ZBTB46: variants seen among roughly 807,000 people sequenced by gnomAD.
ZBTB46 encodes zinc finger and BTB domain-containing protein 46.
ZBTB46 carries 8 observed loss-of-function variants against 44.1 expected under a neutral mutation model. The observed-to-expected ratio is 0.18, with a 90% CI of 0.11 to 0.33. The LOEUF is 0.33. Ranked by LOEUF, ZBTB46 falls within the 10% of genes least tolerant of loss-of-function variation. The pLI is 1.00. For synonymous variants in ZBTB46, 409 were observed against 382.3 expected (o/e 1.07, Z -0.81); for missense variants, 651 against 847.7 (o/e 0.77, Z 2.88).
chr20:63,802,146 G>A (rs1301923320), intron 1 of ZBTB46, among the ~76,000 whole-genome samples: 2 of 152,140 alleles, frequency 1.3e-5, no homozygotes. Context: ...GCTGGGGCTG[G>A]ACACGATGGC....
intron 2 of ZBTB46, among the ~76,000 whole-genome samples, chr20:63,786,359 A>C (rs2092514271): frequency 6.6e-6 from 1 of 152,120 alleles, no homozygotes; most frequent in South Asian, 2.1e-4. Flanking sequence ...CCAACGGGGG[A>C]TCCAAAGGCA....
intron 3 of ZBTB46, among the ~76,000 whole-genome samples, chr20:63,771,604 G>A (rs545371991): frequency 9.7e-4 from 148 of 152,260 alleles, no homozygotes; most frequent in African/African-American, 2.9e-3. Flanking sequence ...GCAGCCCCCC[G>A]AGAGGCCAGG....
chr20:63,811,572 G>A (rs2092717876), intron 1 of ZBTB46, among the ~76,000 whole-genome samples: 1 of 151,466 alleles, frequency 6.6e-6, no homozygotes, highest in Non-Finnish European at 1.5e-5. Flanking sequence ...GGTGCAGAGA[G>A]GGGGTGGCCC....
At position 63,752,772 on chromosome 20, in the gene ZBTB46, G is replaced by A; in HGVS notation, c.1312C>T (p.Arg438Cys). ...TAGGGCCGCTCTCCCGTGTGCGAGC[G>A]CATGTGTCGCTTGAGGATGCACTGG... Reference protein sequence around the residue: ...MHQCILKRHMRSHTGERPYPC... With the variant: ...MHQCILKRHMCSHTGERPYPC... Residue 438 changes from arginine (R) to cysteine (C), a missense_variant, in exon 4 of 5, where the codon CGC becomes TGC. Physicochemically the swap from Arg to Cys is radical, Grantham distance 180 (BLOSUM62 -3). Transcript: ENST00000245663. This position sits in a 1 kb window ranked among gnomAD's most constrained non-coding sequence, Gnocchi z 5.6. 6.2e-7 allele frequency: 1 copy of A among 1,612,932 alleles called. No homozygotes were observed. The highest frequency in any genetic ancestry group is 8.5e-7 in the Non-Finnish European group (1 of 1,179,580).
In ZBTB46 at chr20:63,749,526, C is replaced by T. The variant is rs569533467; in HGVS notation, c.1399-2225G>A. 4.1e-4 allele frequency among the ~76,000 whole-genome samples: 63 copies of T among 152,174 alleles called. No individual in the cohort carries two copies. The South Asian group carries it at 5.8e-3, about 14-fold the overall frequency. On this transcript the variant is annotated intron_variant, in intron 4 of 4. Coordinates refer to ENST00000245663, the MANE Select transcript of ZBTB46 (RefSeq NM_001369741.1). ...TAATTTTTTGTATTTTTAGTAGAGA[C>T]GGGGTTTCACCGTGTTAGCCAGGAT... is the stretch of plus-strand genomic sequence containing the variant.
At chr20:63,802,186 G>A (rs993546710) in intron 1 of ZBTB46, among the ~76,000 whole-genome samples, 6 of 152,148 alleles carry the variant, frequency 3.9e-5, no homozygotes, top group African/African-American at 1.4e-4. Flanking sequence ...ACTTTGGGAG[G>A]CAGAGGCAGG....
At chr20:63,830,893 G>A (rs1483446116) in intron 1 of ZBTB46, among the ~76,000 whole-genome samples, 18 of 141,738 alleles carry the variant, frequency 1.3e-4, no homozygotes, top group African/African-American at 3.5e-4. Flanking sequence ...GGTCTCCGCC[G>A]CCGCCCCCGG....
chr20:63,771,743 C>G (rs750441023), intron 3 of ZBTB46, among the ~76,000 whole-genome samples: 1 of 152,212 alleles, frequency 6.6e-6, no homozygotes, highest in East Asian at 1.9e-4. Flanking sequence ...AGAAGGCCTA[C>G]GGCAGTGAGG....
chr20:63,783,466 C>A (rs1367598910), intron 2 of ZBTB46, among the ~76,000 whole-genome samples: 2 of 152,128 alleles, frequency 1.3e-5, no homozygotes, highest in South Asian at 2.1e-4. Context: ...TGTCCAGTGC[C>A]GAGTGCAGAA....
chr20:63,754,758 C>T (rs570253441), intron 3 of ZBTB46, among the ~76,000 whole-genome samples: 23 of 152,208 alleles, frequency 1.5e-4, no homozygotes, highest in Middle Eastern at 3.4e-3. Context: ...CGCCACCACA[C>T]CCAGCTAATT....
At chr20:63,826,795 G>C (rs1033168019) in intron 1 of ZBTB46, among the ~76,000 whole-genome samples, 2 of 152,232 alleles carry the variant, frequency 1.3e-5, no homozygotes, top group African/African-American at 4.8e-5. Flanking sequence ...CATTATGTGT[G>C]CTGAACCAAG....
chr20:63,791,509 A>C (rs1716754218), intron 1 of ZBTB46, among the ~76,000 whole-genome samples: 1 of 151,728 alleles, frequency 6.6e-6, no homozygotes, highest in South Asian at 2.1e-4. Context: ...AAAAAAAAAA[A>C]AAAAAAAAAA....
chr20:63,804,923 C>CTT (rs796503047), intron 1 of ZBTB46, among the ~76,000 whole-genome samples: 17 of 138,500 alleles, frequency 1.2e-4, no homozygotes, highest in African/African-American at 1.4e-4. Context: ...ACCTACATGA[C>CTT]TTTTTTTTTT....
At chr20:63,808,521 G>T (rs11699536) in intron 1 of ZBTB46, among the ~76,000 whole-genome samples, 27,717 of 152,032 alleles carry the variant, frequency 0.18, 3,076 homozygotes, top group East Asian at 0.47. Flanking sequence ...CTAGGGCAGG[G>T]CCTGGGCTCC....
chr20:63,749,095 C>T (rs148035301), intron 4 of ZBTB46, among the ~76,000 whole-genome samples: 3,170 of 152,320 alleles, frequency 0.021, 52 homozygotes, highest in Non-Finnish European at 0.031. Context: ...TCCACAAAGC[C>T]GGGAACCATA....
At chr20:63,809,252 C>A (rs2092703861) in intron 1 of ZBTB46, among the ~76,000 whole-genome samples, 1 of 151,510 alleles carries the variant, frequency 6.6e-6, no homozygotes, top group African/African-American at 2.4e-5. Context: ...GCCCTGGGGG[C>A]CCCGCCGTGG....
At chr20:63,778,337 G>A (rs899751710) in intron 2 of ZBTB46, among the ~76,000 whole-genome samples, 2 of 152,306 alleles carry the variant, frequency 1.3e-5, no homozygotes, top group East Asian at 1.9e-4. Flanking sequence ...CTGTATGCAC[G>A]ATATCAAAAC....
At chr20:63,791,932 T>C (rs2092564187) in intron 1 of ZBTB46, among the ~76,000 whole-genome samples, 1 of 152,150 alleles carries the variant, frequency 6.6e-6, no homozygotes, top group Non-Finnish European at 1.5e-5. Context: ...AAACGTATTC[T>C]CAAGTCCAGA....
intron 3 of ZBTB46, chr20:63,775,405 T>G: frequency 2.6e-6 from 1 of 390,602 alleles, no homozygotes; most frequent in Non-Finnish European, 4.6e-6. Context: ...ACGACTCCTG[T>G]GAGAAACATT....
Sources: gnomAD v4.1 joint callset for allele counts (sites outside exome capture counted in the v4.1 genomes callset) on GRCh38, gnomAD v4.1.1 for gene constraint, Gnocchi (gnomAD v3.1) non-coding constraint, MANE v1.5 for transcripts, NCBI Gene and HGNC (gene_info 2026-07-23, HGNC 2026-07-21) for gene names.